Variants in CDYL2 observed in about 807,000 individuals in gnomAD.
CDYL2 encodes the protein chromodomain Y like 2.
In CDYL2, 23 loss-of-function variants were observed where a neutral mutation model predicts 49.4. That is an observed-to-expected ratio of 0.47 (90% CI 0.34 to 0.66). The LOEUF (loss-of-function observed/expected upper bound fraction) is 0.66, where lower values mean the gene tolerates loss of function less well. Ranked by LOEUF, CDYL2 falls within the 30% of genes least tolerant of loss-of-function variation. The pLI, the probability that CDYL2 is intolerant of heterozygous loss-of-function variation, is 0.01. For missense variants in CDYL2, 678 were observed against 656.4 expected, an observed-to-expected ratio of 1.03 and a Z score of -0.36; for synonymous variants, 360 against 268.8, an observed-to-expected ratio of 1.34 and a Z score of -3.32.
chr16:80,796,658 G>C (rs148281629), intron 1 of CDYL2, among the ~76,000 whole-genome samples: 74 of 152,260 alleles, frequency 4.9e-4, no homozygotes, highest in African/African-American at 1.6e-3. Context: ...TGTTATCCAA[G>C]TCATCCAAAG....
At chr16:80,710,980 C>G (rs761607012) in intron 1 of CDYL2, among the ~76,000 whole-genome samples, 1 of 152,220 alleles carries the variant, frequency 6.6e-6, no homozygotes, top group Non-Finnish European at 1.5e-5. Flanking sequence ...TGAACTACAG[C>G]TGGTAATCTT....
At chr16:80,701,412 T>G (rs1212823912) in intron 1 of CDYL2, among the ~76,000 whole-genome samples, 1 of 152,246 alleles carries the variant, frequency 6.6e-6, no homozygotes, top group Non-Finnish European at 1.5e-5. Flanking sequence ...AAAGCTTTTT[T>G]TCAATGAACA....
At chr16:80,607,944 G>C (rs1906416677) in intron 6 of CDYL2, 148 bp downstream of exon 6, 6 of 902,862 alleles carry the variant, frequency 6.6e-6, no homozygotes, top group Non-Finnish European at 8.0e-6. Context: ...TCAATACTGA[G>C]AAAAGGCATT....
chr16:80,784,812 G>A (rs1907381460), intron 1 of CDYL2, among the ~76,000 whole-genome samples: 1 of 152,142 alleles, frequency 6.6e-6, no homozygotes, highest in African/African-American at 2.4e-5. Flanking sequence ...AAGCTGGGCT[G>A]CCCCAAGAAT....
intron 2 of CDYL2, among the ~76,000 whole-genome samples, chr16:80,683,746 C>T (rs983089383): frequency 1.4e-4 from 21 of 152,126 alleles, no homozygotes; most frequent in African/African-American, 4.6e-4. Flanking sequence ...GGATTAGTGG[C>T]CCTTATAAAA....
chr16:80,681,929 G>A (rs998202880), intron 2 of CDYL2, among the ~76,000 whole-genome samples: 1 of 152,110 alleles, frequency 6.6e-6, no homozygotes, highest in Non-Finnish European at 1.5e-5. Flanking sequence ...AAAAAAATCA[G>A]TATTGAATTG....
chr16:80,790,660 A>G (rs1389055661), intron 1 of CDYL2, among the ~76,000 whole-genome samples: 1 of 152,228 alleles, frequency 6.6e-6, no homozygotes. Context: ...TTTGGATTCT[A>G]TTACTTGATC....
At chr16:80,688,183 G>A (rs1348636691) in intron 1 of CDYL2, among the ~76,000 whole-genome samples, 1 of 152,184 alleles carries the variant, frequency 6.6e-6, no homozygotes, top group East Asian at 1.9e-4. Context: ...GTAGCTTTAT[G>A]GGGGACATCA....
At chr16:80,616,293 C>T (rs1446111253) in intron 4 of CDYL2, among the ~76,000 whole-genome samples, 2 of 152,156 alleles carry the variant, frequency 1.3e-5, no homozygotes, top group African/African-American at 4.8e-5. Context: ...TCCAAGGAGA[C>T]GGTCCATGCA....
chr16:80,682,532 A>G (rs1283929020), intron 2 of CDYL2, among the ~76,000 whole-genome samples: 1 of 152,092 alleles, frequency 6.6e-6, no homozygotes, highest in Admixed American at 6.5e-5. Context: ...CCTCATGTAG[A>G]CCCCTCTATG....
chr16:80,680,118 A>C (rs1419964618), intron 2 of CDYL2, among the ~76,000 whole-genome samples: 1 of 152,218 alleles, frequency 6.6e-6, no homozygotes, highest in African/African-American at 2.4e-5. Flanking sequence ...AGAGATAAAC[A>C]AATGTTCTAG....
At chr16:80,616,261 C>G (rs1284002447) in intron 4 of CDYL2, among the ~76,000 whole-genome samples, 1 of 152,178 alleles carries the variant, frequency 6.6e-6, no homozygotes, top group Admixed American at 6.5e-5. Flanking sequence ...GATGTTGCCC[C>G]AGATAGGGAG....
intron 1 of CDYL2, among the ~76,000 whole-genome samples, chr16:80,706,337 G>A (rs1904403527): frequency 6.6e-6 from 1 of 152,154 alleles, no homozygotes; most frequent in South Asian, 2.1e-4. Context: ...GGCAATGCTG[G>A]ACCCATCCGC....
At chr16:80,649,106 C>A (rs1182933642) in intron 2 of CDYL2, among the ~76,000 whole-genome samples, 1 of 152,108 alleles carries the variant, frequency 6.6e-6, no homozygotes, top group Non-Finnish European at 1.5e-5. Context: ...CTTTCACTAC[C>A]ATTATTCAAC....
intron 3 of CDYL2, 189 bp downstream of exon 3, chr16:80,632,830 C>A: frequency 3.5e-6 from 2 of 576,362 alleles, no homozygotes; most frequent in Admixed American, 2.9e-5. Context: ...TATCATTACA[C>A]GGTCATAAAG....
chr16:80,703,918 G>C (rs533965110), intron 1 of CDYL2, among the ~76,000 whole-genome samples: 1 of 152,288 alleles, frequency 6.6e-6, no homozygotes, highest in African/African-American at 2.4e-5. Context: ...CTCTTGCCCA[G>C]CTGCGCAGGG....
At chr16:80,608,298 T>C in intron 5 of CDYL2, 63 bp from the exon 6 acceptor site, 2 of 1,462,730 alleles carry the variant, frequency 1.4e-6, no homozygotes, top group East Asian at 2.6e-5. Context: ...CCTCAGCTGG[T>C]CCAGGGCTTG....
At chr16:80,607,506 G>C (rs1156249783) in intron 6 of CDYL2, among the ~76,000 whole-genome samples, 3 of 152,336 alleles carry the variant, frequency 2.0e-5, no homozygotes, top group South Asian at 2.1e-4. Flanking sequence ...GAGTGGCCTT[G>C]TCTCCACCTT....
chr16:80,643,429 G>A (rs1427500000), intron 2 of CDYL2, among the ~76,000 whole-genome samples: 9 of 152,350 alleles, frequency 5.9e-5, no homozygotes, highest in Admixed American at 6.5e-5. Context: ...GGGGTCTGGA[G>A]GACGGTGGCC....
Sources: gnomAD v4.1 joint callset for allele counts (sites outside exome capture counted in the v4.1 genomes callset) on GRCh38, gnomAD v4.1.1 for gene constraint, MANE v1.5 for transcripts, NCBI Gene and HGNC (gene_info 2026-07-23, HGNC 2026-07-21) for gene names.